The following CDK14 variants were observed in gnomAD, a reference collection of about 807,000 sequenced individuals.
CDK14 encodes cyclin dependent kinase 14, also known as cyclin-dependent kinase 14.
Under a neutral mutation model 60.7 loss-of-function variants are expected in CDK14, and 34 were observed. That is an observed-to-expected ratio of 0.56 (90% CI 0.43 to 0.75). The LOEUF is 0.75. Ranked by LOEUF, CDK14 falls within the 30% of genes least tolerant of loss-of-function variation. The pLI, the probability that CDK14 is intolerant of heterozygous loss-of-function variation, is 0.00. For synonymous variants in CDK14, 197 were observed against 203.7 expected, an observed-to-expected ratio of 0.97 and a Z score of 0.28; for missense variants, 482 against 564.1, an observed-to-expected ratio of 0.85 and a Z score of 1.47.
intron 3 of CDK14, among the ~76,000 whole-genome samples, chr7:90,734,171 G>C (rs1446797560): frequency 2.6e-5 from 4 of 152,214 alleles, no homozygotes; most frequent in Admixed American, 6.5e-5. Context: ...TTTCTGCTGA[G>C]AGATCTGCTT....
In CDK14 at chr7:90,740,270, T is replaced by TATATAGAG. The variant is rs1554325107; in HGVS notation, c.370-7410_370-7409insTATAGAGA. 2.1e-5 allele frequency among the ~76,000 whole-genome samples: 3 copies of TATATAGAG among 140,036 alleles called. No individual in the cohort carries two copies. In the South Asian group the frequency reaches 7.0e-4, roughly 33 times the overall value. 91.9% of individuals were successfully genotyped at this position (140,036 alleles called of 152,430 possible). On this transcript the variant is annotated intron_variant, in intron 3 of 14. Transcript: ENST00000380050. Reference sequence around the variant, plus strand: ...GTGTGTGTGTATATATATATATATATAGAGAGAGAGAGAGAGAGAGAAAGA... The same window carrying TATATAGAG: ...GTGTGTGTGTATATATATATATATATATATAGAGAGAGAGAGAGAGAGAGAGAGAAAGA...
At chr7:91,160,832 T>C (rs1170260776) in intron 14 of CDK14, among the ~76,000 whole-genome samples, 2 of 152,184 alleles carry the variant, frequency 1.3e-5, no homozygotes, top group African/African-American at 4.8e-5. Flanking sequence ...ACAATTACTC[T>C]TACAGGCCCA....
At chr7:90,723,064 T>A (rs542351713) in intron 2 of CDK14, among the ~76,000 whole-genome samples, 2 of 152,346 alleles carry the variant, frequency 1.3e-5, no homozygotes, top group African/African-American at 4.8e-5. Context: ...CAGCATTAAG[T>A]ATGATGTTAC....
At chr7:90,944,861 T>C (rs369430746) in intron 8 of CDK14, among the ~76,000 whole-genome samples, 1 of 152,076 alleles carries the variant, frequency 6.6e-6, no homozygotes, top group East Asian at 1.9e-4. Context: ...CTGAGGTAAA[T>C]CAGAGAACAG....
intron 8 of CDK14, among the ~76,000 whole-genome samples, chr7:90,945,429 T>G (rs974929437): frequency 6.6e-6 from 1 of 152,164 alleles, no homozygotes; most frequent in Admixed American, 6.5e-5. Flanking sequence ...CTGGGCAGGG[T>G]TAAGTATGTG....
intron 7 of CDK14, among the ~76,000 whole-genome samples, chr7:90,903,618 T>C (rs10953025): frequency 0.97 from 148,223 of 152,202 alleles, 72,292 homozygotes; most frequent in South Asian, 1. Flanking sequence ...ACATACTGTT[T>C]GATAGAAGGA....
At chr7:90,937,218 G>A (rs1793784248) in intron 8 of CDK14, among the ~76,000 whole-genome samples, 3 of 152,108 alleles carry the variant, frequency 2.0e-5, no homozygotes, top group Admixed American at 6.5e-5. Flanking sequence ...GTAAACTGTA[G>A]AAACATTCCT....
chr7:90,796,649 A>G (rs1788444446), intron 5 of CDK14, among the ~76,000 whole-genome samples: 1 of 152,010 alleles, frequency 6.6e-6, no homozygotes, highest in Non-Finnish European at 1.5e-5. Flanking sequence ...GAGGGGTTAG[A>G]TGACTTGTCT....
chr7:90,867,564 T>G (rs191990271), intron 6 of CDK14, among the ~76,000 whole-genome samples: 2 of 152,226 alleles, frequency 1.3e-5, no homozygotes, highest in Non-Finnish European at 2.9e-5. Flanking sequence ...CATTACATAT[T>G]TAATAATTGT....
At chr7:90,841,417 T>A (rs961705528) in intron 5 of CDK14, among the ~76,000 whole-genome samples, 4 of 151,756 alleles carry the variant, frequency 2.6e-5, no homozygotes, top group African/African-American at 9.7e-5. Flanking sequence ...CCCTCTGAAC[T>A]TTCTGCTTAC....
intron 8 of CDK14, among the ~76,000 whole-genome samples, chr7:90,918,605 C>T (rs964861275): frequency 6.6e-6 from 1 of 152,222 alleles, no homozygotes; most frequent in African/African-American, 2.4e-5. Flanking sequence ...GTTGACATTG[C>T]ATTGCCTCAA....
intron 4 of CDK14, among the ~76,000 whole-genome samples, chr7:90,776,780 G>A (rs1398602109): frequency 6.6e-6 from 1 of 152,174 alleles, no homozygotes; most frequent in Non-Finnish European, 1.5e-5. Context: ...GAAATTTGGA[G>A]TTGAAACTGT....
intron 2 of CDK14, among the ~76,000 whole-genome samples, chr7:90,672,502 G>GTTTTTTTTTTT (rs201978996): frequency 3.8e-4 from 19 of 49,990 alleles, no homozygotes; most frequent in African/African-American, 4.8e-4. Context: ...TTCTTCTTCT[G>GTTTTTTTTTTT]TTTTTTTTTT....
chr7:90,659,478 G>C (rs1344180891), intron 2 of CDK14, among the ~76,000 whole-genome samples: 1 of 152,102 alleles, frequency 6.6e-6, no homozygotes, highest in East Asian at 1.9e-4. Flanking sequence ...TTGCTGAAAT[G>C]ACAGAAATTT....
chr7:91,097,047 T>G (rs1799011567), intron 12 of CDK14, among the ~76,000 whole-genome samples: 1 of 152,166 alleles, frequency 6.6e-6, no homozygotes, highest in Non-Finnish European at 1.5e-5. Flanking sequence ...AAAATGGACT[T>G]GAGTAAAATT....
chr7:90,657,003 T>A (rs1800766619), intron 2 of CDK14, among the ~76,000 whole-genome samples: 1 of 151,744 alleles, frequency 6.6e-6, no homozygotes, highest in Non-Finnish European at 1.5e-5. Context: ...TCGTGTGAAC[T>A]GGAAATACTT....
chr7:91,055,146 C>A (rs1797512390), intron 11 of CDK14, among the ~76,000 whole-genome samples: 1 of 152,046 alleles, frequency 6.6e-6, no homozygotes, highest in Non-Finnish European at 1.5e-5. Context: ...ATGCCAGAGA[C>A]ACAAAGGATA....
At chr7:90,908,924 A>T (rs980065094) in intron 7 of CDK14, among the ~76,000 whole-genome samples, 5 of 152,070 alleles carry the variant, frequency 3.3e-5, no homozygotes, top group African/African-American at 4.8e-5. Context: ...ACCTTTGTCA[A>T]TTTTTCTATC....
chr7:91,008,139 AAAAAAACAAAC>A lies in CDK14; in HGVS notation c.1041+23905_1041+23915del, dbSNP rs1276340345. 7.5e-5 allele frequency among the ~76,000 whole-genome samples: 11 copies of A among 146,270 alleles called. 1 individual carries two copies. The highest frequency in any genetic ancestry group is 2.2e-4 in the South Asian group (1 of 4,600). On this transcript the variant is annotated intron_variant, in intron 10 of 14. Transcript: ENST00000380050. ...GCCGGGAGAAGGCCAAAAAAAAAAAAAAAAAACAAACAAAAAAAAACAGTGGATGGTGGAGG... is the reference window on the plus strand; with the variant it reads ...GCCGGGAGAAGGCCAAAAAAAAAAAAAAAAAAAAACAGTGGATGGTGGAGG...
Sources: allele counts gnomAD v4.1 joint callset (sites outside exome capture counted in the v4.1 genomes callset), GRCh38; gene constraint gnomAD v4.1.1; transcripts MANE v1.5; gene names NCBI Gene and HGNC (gene_info 2026-07-23, HGNC 2026-07-21).